The following CADM1 variants were observed in gnomAD, a reference collection of about 807,000 sequenced individuals.
CADM1 encodes cell adhesion molecule 1, also known as TSLC-1.
Under a neutral mutation model 53.1 loss-of-function variants are expected in CADM1, and 15 were observed. That is an observed-to-expected ratio of 0.28 (90% confidence interval 0.19 to 0.44). The LOEUF (loss-of-function observed/expected upper bound fraction) is 0.44, where lower values mean the gene tolerates loss of function less well. CADM1 is among the 20% of genes least tolerant of loss of function. The pLI is 1.00. For synonymous variants in CADM1, 281 were observed against 243.0 expected, an observed-to-expected ratio of 1.16 and a Z score of -1.45; for missense variants, 434 against 611.3, an observed-to-expected ratio of 0.71 and a Z score of 3.06.
intron 10 of CADM1, among the ~76,000 whole-genome samples, chr11:115,181,233 C>T (rs888032950): frequency 1.3e-5 from 2 of 152,040 alleles, no homozygotes; most frequent in Non-Finnish European, 2.9e-5. Flanking sequence ...CTCCCTCAAA[C>T]AAAAAGATCT....
intron 1 of CADM1, among the ~76,000 whole-genome samples, chr11:115,283,459 G>C (rs1021616128): frequency 7.2e-5 from 11 of 152,170 alleles, no homozygotes; most frequent in Non-Finnish European, 1.6e-4. Flanking sequence ...CGCAGTGAGG[G>C]GAAGTCATCC....
At chr11:115,348,661 C>T (rs1000152132) in intron 1 of CADM1, among the ~76,000 whole-genome samples, 9 of 152,154 alleles carry the variant, frequency 5.9e-5, no homozygotes, top group African/African-American at 2.2e-4. Context: ...TATGTTTTCC[C>T]CCATGTAGAT....
chr11:115,323,449 G>A (rs773534311), intron 1 of CADM1, among the ~76,000 whole-genome samples: 1 of 152,106 alleles, frequency 6.6e-6, no homozygotes, highest in Non-Finnish European at 1.5e-5. Flanking sequence ...CATGGAAGTG[G>A]GGTGCAGGGA....
At chr11:115,318,316 A>G (rs1944728921) in intron 1 of CADM1, among the ~76,000 whole-genome samples, 2 of 152,214 alleles carry the variant, frequency 1.3e-5, no homozygotes, top group South Asian at 4.1e-4. Flanking sequence ...TGTTGGCCTC[A>G]TAAATAAAAT....
At chr11:115,305,293 C>T (rs937460299) in intron 1 of CADM1, among the ~76,000 whole-genome samples, 2 of 152,020 alleles carry the variant, frequency 1.3e-5, no homozygotes, top group Non-Finnish European at 2.9e-5. Flanking sequence ...GGGCGCCTTC[C>T]AGCTCAGACA....
chr11:115,441,513 A>AGGTGGTTT (rs1210175843), intron 1 of CADM1, among the ~76,000 whole-genome samples: 3 of 152,184 alleles, frequency 2.0e-5, no homozygotes, highest in Admixed American at 1.3e-4. Context: ...TGGAAACAGT[A>AGGTGGTTT]GGTGGTTTTC....
intron 1 of CADM1, among the ~76,000 whole-genome samples, chr11:115,296,509 A>G (rs534814946): frequency 1.3e-5 from 2 of 152,200 alleles, no homozygotes; most frequent in East Asian, 3.9e-4. Context: ...GTGGAAATGG[A>G]TTAGTTCCCT....
chr11:115,429,805 T>G (rs1947995513), intron 1 of CADM1, among the ~76,000 whole-genome samples: 1 of 152,140 alleles, frequency 6.6e-6, no homozygotes, highest in African/African-American at 2.4e-5. Flanking sequence ...TAGGTGGTCC[T>G]AGTAATAGTA....
intron 1 of CADM1, among the ~76,000 whole-genome samples, chr11:115,329,222 C>T (rs1945067166): frequency 6.6e-6 from 1 of 151,944 alleles, no homozygotes; most frequent in Admixed American, 6.6e-5. Context: ...AGAAAGTGTA[C>T]CTGGAATGTA....
chr11:115,355,706 TAA>T (rs1945849617), intron 1 of CADM1, among the ~76,000 whole-genome samples: 1 of 52,198 alleles, frequency 1.9e-5, no homozygotes, highest in African/African-American at 7.2e-5. Flanking sequence ...TTTAAATTAC[TAA>T]CACACACACA....
chr11:115,340,269 T>C (rs1170529425), intron 1 of CADM1: 1 of 152,148 alleles, frequency 6.6e-6, no homozygotes, highest in Non-Finnish European at 1.5e-5. Context: ...TGTAGGTTTA[T>C]GGCTGTATTT....
At chr11:115,471,774 T>C (rs189358780) in intron 1 of CADM1, among the ~76,000 whole-genome samples, 6 of 152,176 alleles carry the variant, frequency 3.9e-5, no homozygotes, top group African/African-American at 1.4e-4. Flanking sequence ...AAACGTGAGA[T>C]GGCAGTGAGC....
intron 1 of CADM1, among the ~76,000 whole-genome samples, chr11:115,482,981 G>C (rs1015422685): frequency 6.6e-6 from 1 of 152,054 alleles, no homozygotes; most frequent in Non-Finnish European, 1.5e-5. Context: ...CAGTGAACAC[G>C]GAATAATTAT....
At chr11:115,363,727 T>C (rs1327864510) in intron 1 of CADM1, 9 of 152,194 alleles carry the variant, frequency 5.9e-5, no homozygotes, top group African/African-American at 9.7e-5. Flanking sequence ...TAGTGCTTTA[T>C]TGGGGCCTGA....
At chr11:115,244,078 G>A (rs895847741) in intron 1 of CADM1, among the ~76,000 whole-genome samples, 3 of 152,160 alleles carry the variant, frequency 2.0e-5, no homozygotes, top group African/African-American at 4.8e-5. Context: ...TTTGCCAGAC[G>A]ATTCCTAAAA....
chr11:115,300,189 T>C (rs1944182571), intron 1 of CADM1, among the ~76,000 whole-genome samples: 1 of 152,138 alleles, frequency 6.6e-6, no homozygotes, highest in South Asian at 2.1e-4. Flanking sequence ...TACTCGGTGA[T>C]GATGTGAATA....
chr11:115,259,025 A>G (rs1424437749), intron 1 of CADM1, among the ~76,000 whole-genome samples: 2 of 152,124 alleles, frequency 1.3e-5, no homozygotes, highest in Non-Finnish European at 2.9e-5. Context: ...TTGCTCTGTC[A>G]CCATGGCTGG....
Position 115,190,152 on chromosome 11 carries a change from G to A in CADM1, c.1165+736C>T, listed in dbSNP as rs529223156. Among the ~76,000 whole-genome samples the A allele has an allele frequency of 1.5e-3, 235 of 152,314 alleles. 1 individual carries two copies. The highest frequency in any genetic ancestry group is 1.8e-3 in the Non-Finnish European group (120 of 68,026). On this transcript the variant is annotated intron_variant, in intron 10 of 11. Coordinates refer to ENST00000331581, the MANE Select transcript of CADM1 (RefSeq NM_001301043.2). ...GACTTATTAAGTGATGGATGGAAAGGTTTAAGCCATAGCTGGTTGGCAGTT... is the reference window on the plus strand; with the variant it reads ...GACTTATTAAGTGATGGATGGAAAGATTTAAGCCATAGCTGGTTGGCAGTT...
In CADM1 at chr11:115,289,560, C is replaced by T. The variant is rs993344344; in HGVS notation, c.125-49140G>A. ...TATGGGAGCACTTGAAGTGTGGCTA[C>T]AGCGACTAAGGAACTGAATTTTCTT... On this transcript the variant is annotated intron_variant, in intron 1 of 11. Transcript: ENST00000331581. Among the ~76,000 whole-genome samples, 3 of 149,792 alleles carry T rather than the reference C, an allele frequency of 2.0e-5. No homozygotes were observed. The Admixed American group carries it at 2.0e-4, about 10-fold the overall frequency.
Sources: allele counts gnomAD v4.1 joint callset (sites outside exome capture counted in the v4.1 genomes callset), GRCh38; gene constraint gnomAD v4.1.1; transcripts MANE v1.5; gene names NCBI Gene and HGNC (gene_info 2026-07-23, HGNC 2026-07-21).